The following SMCO2 variants were observed in gnomAD, a reference collection of about 807,000 sequenced individuals.
SMCO2 encodes single-pass membrane and coiled-coil domain-containing protein 2.
In SMCO2, 25 loss-of-function variants were observed where a neutral mutation model predicts 29.5. The ratio of observed to expected loss-of-function variants is 0.85; its 90% CI spans 0.62 to 1.18. The LOEUF is 1.18. SMCO2 is among the 50% of genes most tolerant of loss of function. SMCO2 has a pLI of 0.00. For synonymous variants in SMCO2, 117 were observed against 123.3 expected, an observed-to-expected ratio of 0.95 and a Z score of 0.34; for missense variants, 348 against 344.5, an observed-to-expected ratio of 1.01 and a Z score of -0.08.
intron 4 of SMCO2, among the ~76,000 whole-genome samples, chr12:27,486,676 T>C (rs546911408): frequency 6.6e-6 from 1 of 152,332 alleles, no homozygotes; most frequent in African/African-American, 2.4e-5. Flanking sequence ...ACCTTTCTTA[T>C]ACTATTCTCT....
intron 4 of SMCO2, among the ~76,000 whole-genome samples, chr12:27,476,262 T>G (rs2262678): frequency 0.12 from 17,510 of 152,210 alleles, 1,939 homozygotes; most frequent in East Asian, 0.27. Flanking sequence ...TTGTTAAGAC[T>G]TGTATTGTGG....
At position 27,474,824 on chromosome 12, in the gene SMCO2, G is replaced by C. The variant is rs1327268982; in HGVS notation, c.273G>C (p.Leu91=). 4 of 1,551,592 alleles carry C rather than the reference G, an allele frequency of 2.6e-6. No homozygotes were observed. The African/African-American group carries it at 5.5e-5, about 21-fold the overall frequency. The change falls in exon 4 of 8, where the codon CTG becomes CTC. Residue 91 remains leucine, a synonymous_variant. Transcript: ENST00000298876. ...TAGAGGCTGAGCATGACCAGGACCT[G>C]AGTAAACAGGATAAGCAAGAAACAG... is the stretch of plus-strand genomic sequence containing the variant.
At chr12:27,425,172 GT>G in the SMCO2 span, 1 of 151,534 alleles carries the variant, frequency 6.6e-6, no homozygotes. Flanking sequence ...ACTTGTGCTC[GT>G]CTGTATATTG....
chr12:27,495,574 G>A, intron 6 of SMCO2, 106 bp from the exon 8 acceptor site: 1 of 1,070,900 alleles, frequency 9.3e-7, no homozygotes. Flanking sequence ...GATTTCTAAT[G>A]TGGGCCCCCA....
chr12:27,432,561 A>G, the SMCO2 span, among the ~76,000 whole-genome samples: 1 of 152,218 alleles, frequency 6.6e-6, no homozygotes, highest in Non-Finnish European at 1.5e-5. Flanking sequence ...GTTCATATTT[A>G]AAAGAGGGAT....
chr12:27,424,548 T>G, the SMCO2 span: 1 of 152,224 alleles, frequency 6.6e-6, no homozygotes, highest in Non-Finnish European at 1.5e-5. Context: ...AAGGATGTCT[T>G]TGTTGTCATA....
intron 3 of SMCO2, 76 bp from the exon 4 acceptor site, chr12:27,474,710 T>C: frequency 2.0e-6 from 3 of 1,512,148 alleles, no homozygotes; most frequent in Non-Finnish European, 2.7e-6. Flanking sequence ...AAAGGGGGAT[T>C]GGGTAGGGCT....
chr12:27,476,456 G>T (rs1949587153), intron 4 of SMCO2, among the ~76,000 whole-genome samples: 1 of 152,028 alleles, frequency 6.6e-6, no homozygotes, highest in South Asian at 2.1e-4. Flanking sequence ...TGTGAGTCTG[G>T]CATTAAAGTC....
chr12:27,445,101 ATATCG>A, the SMCO2 span, among the ~76,000 whole-genome samples: 1 of 152,310 alleles, frequency 6.6e-6, no homozygotes, highest in Non-Finnish European at 1.5e-5. Flanking sequence ...AGAGAGACAA[ATATCG>A]TATGTTCTCA....
intron 4 of SMCO2, among the ~76,000 whole-genome samples, chr12:27,484,480 A>G (rs918807372): frequency 1.3e-5 from 2 of 152,128 alleles, no homozygotes; most frequent in African/African-American, 4.8e-5. Flanking sequence ...TTTTGTAAAG[A>G]TAGTTTTGCA....
the SMCO2 span, among the ~76,000 whole-genome samples, chr12:27,458,394 A>G: frequency 2.0e-5 from 3 of 152,228 alleles, no homozygotes; most frequent in Non-Finnish European, 2.9e-5. Context: ...ACTGATAAGC[A>G]TAAGTAAAAG....
At chr12:27,461,466 C>G in the SMCO2 span, among the ~76,000 whole-genome samples, 1 of 152,102 alleles carries the variant, frequency 6.6e-6, no homozygotes, top group Admixed American at 6.5e-5. Context: ...TTCATGTGTA[C>G]TCAATGTTTA....
the SMCO2 span, among the ~76,000 whole-genome samples, chr12:27,446,916 C>T: frequency 6.6e-6 from 1 of 152,148 alleles, no homozygotes; most frequent in South Asian, 2.1e-4. Flanking sequence ...GCTTTAAGAA[C>T]TTCTGCCTTA....
intron 4 of SMCO2, among the ~76,000 whole-genome samples, chr12:27,481,918 T>A (rs533222425): frequency 5.1e-4 from 77 of 152,248 alleles, no homozygotes; most frequent in African/African-American, 1.8e-3. Flanking sequence ...GATCTATACA[T>A]TTTTTGGTTT....
chr12:27,462,537 G>T (rs1232972936), upstream of SMCO2, among the ~76,000 whole-genome samples: 1 of 152,126 alleles, frequency 6.6e-6, no homozygotes, highest in Non-Finnish European at 1.5e-5. Context: ...TGCCTACTCT[G>T]TTCCAGGAGC....
intron 5 of SMCO2, chr12:27,493,751 T>C (rs1331306622): frequency 1.3e-5 from 2 of 152,216 alleles, no homozygotes. Flanking sequence ...GCCCATGTCT[T>C]GTGCTTATTG....
intron 5 of SMCO2, among the ~76,000 whole-genome samples, chr12:27,493,544 AT>A (rs1441736021): frequency 1.3e-5 from 2 of 149,844 alleles, no homozygotes; most frequent in African/African-American, 5.0e-5. Context: ...AAAAAAAAAA[AT>A]TAATTTCTAT....
At chr12:27,490,390 T>TAAGGAA (rs750480458) in intron 5 of SMCO2, among the ~76,000 whole-genome samples, 40 of 152,296 alleles carry the variant, frequency 2.6e-4, no homozygotes, top group Non-Finnish European at 5.1e-4. Context: ...CAAAGGGGTA[T>TAAGGAA]AAGGAAATTT....
chr12:27,473,438 C>T (rs988951990), intron 3 of SMCO2, among the ~76,000 whole-genome samples: 6 of 152,054 alleles, frequency 3.9e-5, no homozygotes, highest in Non-Finnish European at 7.4e-5. Context: ...GATTTAGGAA[C>T]CCATTCAAGT....
Sources: gnomAD v4.1 joint callset for allele counts (sites outside exome capture counted in the v4.1 genomes callset) on GRCh38, gnomAD v4.1.1 for gene constraint, MANE v1.5 for transcripts, NCBI Gene and HGNC (gene_info 2026-07-23, HGNC 2026-07-21) for gene names.